The following FAT4 variants were observed in gnomAD, a reference collection of about 807,000 sequenced individuals.
FAT4 encodes the protein protocadherin Fat 4.
A neutral mutation model predicts 303.9 loss-of-function variants in FAT4; 84 were observed. That is an observed-to-expected ratio of 0.28 (90% CI 0.23 to 0.33). FAT4 has a LOEUF of 0.33. Ranked by LOEUF, FAT4 falls within the 10% of genes least tolerant of loss-of-function variation. The probability of loss-of-function intolerance (pLI) is 1.00; values close to 1 mark genes in which losing one functional copy is unlikely to be tolerated. For missense variants in FAT4, 6,005 were observed against 6,146.8 expected, an observed-to-expected ratio of 0.98 and a Z score of 0.77; for synonymous variants, 2,307 against 2,298.8, an observed-to-expected ratio of 1.00 and a Z score of -0.10.
intron 2 of FAT4, among the ~76,000 whole-genome samples, chr4:125,355,254 A>T (rs1732381890): frequency 6.6e-6 from 1 of 151,976 alleles, no homozygotes; most frequent in African/African-American, 2.4e-5. Context: ...AAACATATTT[A>T]CATCTCTAAA....
chr4:125,391,866 T>C (rs535405714), intron 2 of FAT4, among the ~76,000 whole-genome samples: 36 of 152,286 alleles, frequency 2.4e-4, no homozygotes. Context: ...ATGCCTATGT[T>C]ATTATTACAT....
At chr4:125,414,114 C>T (rs1449468196) in intron 5 of FAT4, among the ~76,000 whole-genome samples, 24 of 151,874 alleles carry the variant, frequency 1.6e-4, no homozygotes, top group Admixed American at 1.5e-3. Flanking sequence ...TGTTATTTAC[C>T]TTTAGTTACT....
At chr4:125,434,948 G>T (rs1214908443) in intron 8 of FAT4, among the ~76,000 whole-genome samples, 2 of 152,162 alleles carry the variant, frequency 1.3e-5, no homozygotes, top group African/African-American at 2.4e-5. Context: ...ACTCTCAAAG[G>T]TCAGACTCAG....
At position 125,451,370 on chromosome 4, in the gene FAT4, G is replaced by T. The variant is rs539311340; in HGVS notation, c.10360G>T (p.Ala3454Ser). ...YFIGSGNENG[A>S]FSINPQTGQI... The stretch of plus-strand genomic sequence containing the variant: ...CATCGGATCAGGGAATGAAAATGGT[G>T]CCTTTTCTATTAATCCGCAGACAGG... The change falls in exon 10 of 18, where the codon GCC (alanine) becomes TCC (serine). Residue 3454 changes from alanine to serine, a missense_variant. By Grantham distance (99) the Ala-to-Ser change is moderately conservative. Transcript: ENST00000394329. The T allele has an allele frequency of 3.7e-6, 6 of 1,614,110 alleles. No homozygotes were observed. In the South Asian group the frequency reaches 6.6e-5, roughly 18 times the overall value.
At chr4:125,454,166 A>G (rs1481383270) in intron 10 of FAT4, among the ~76,000 whole-genome samples, 1 of 152,208 alleles carries the variant, frequency 6.6e-6, no homozygotes, top group Non-Finnish European at 1.5e-5. Context: ...ACTTTTGTAG[A>G]TGTATTACAG....
At chr4:125,331,844 G>T (rs1731395941) in intron 2 of FAT4, among the ~76,000 whole-genome samples, 1 of 152,010 alleles carries the variant, frequency 6.6e-6, no homozygotes, top group Non-Finnish European at 1.5e-5. Flanking sequence ...CAGTAAACTT[G>T]ATTTTAACAC....
intron 7 of FAT4, among the ~76,000 whole-genome samples, chr4:125,432,374 A>T (rs1016014373): frequency 3.3e-5 from 5 of 152,210 alleles, no homozygotes; most frequent in African/African-American, 1.2e-4. Context: ...AGCAGTGCTG[A>T]TTTATGGGGA....
At position 125,318,010 on chromosome 4, in the gene FAT4, CACT is replaced by C; in HGVS notation, c.1600_1602del (p.Thr534del). ...TCAGTGAACATAGCGGCCTCGTGAC[CACT>C]GGGTCCTCTGGGGGCCTGGACCGTG... On this transcript the variant is annotated inframe_deletion, in exon 2 of 18. Transcript: ENST00000394329. 5.0e-6 allele frequency: 8 copies of C among 1,614,154 alleles called. No homozygotes were observed. The highest frequency in any genetic ancestry group is 6.8e-6 in the Non-Finnish European group (8 of 1,180,022).
chr4:125,319,036 A>G lies in FAT4; in HGVS notation c.2625A>G (p.Gly875=). 6.2e-7 allele frequency: 1 copy of G among 1,614,174 alleles called. No homozygotes were observed. Among genetic ancestry groups the G allele is most frequent in the Non-Finnish European group, 8.5e-7 (1 of 1,180,036 alleles). ...TGGCCAGTGGGGGCACAGTGACTGG[A>G]GACACTATGGTTAACATAACAGTTA... The part of the protein sequence containing the change: ...KVVASGGTVT[G]DTMVNITVKD... The change falls in exon 2 of 18, where the codon GGA becomes GGG. Residue 875 remains glycine, a synonymous_variant. Transcript: ENST00000394329.
Position 125,316,929 on chromosome 4 carries a change from C to T in FAT4, c.518C>T (p.Ser173Phe). The T allele has an allele frequency of 6.2e-7, 1 of 1,614,030 alleles. No individual in the cohort carries two copies. The highest frequency in any genetic ancestry group is 1.7e-5 in the Admixed American group (1 of 60,032). ...GGCTCAAACGGTGTGGACCACCGCTCCTACCGCATCATCCGCGGCAATGAG... is the reference window on the plus strand; with the variant it reads ...GGCTCAAACGGTGTGGACCACCGCTTCTACCGCATCATCCGCGGCAATGAG... ...DIGSNGVDHRSYRIIRGNEAG... is the reference protein window; with the variant it reads ...DIGSNGVDHRFYRIIRGNEAG... Residue 173 changes from serine (S) to phenylalanine (F), a missense_variant, in exon 2 of 18, where the codon TCC (serine) becomes TTC (phenylalanine). Coordinates refer to ENST00000394329, the MANE Select transcript of FAT4 (RefSeq NM_001291303.3). This position sits in a 1 kb window ranked among gnomAD's most constrained non-coding sequence, Gnocchi z 5.7.
At chr4:125,375,840 C>T (rs1466095473) in intron 2 of FAT4, among the ~76,000 whole-genome samples, 5 of 152,182 alleles carry the variant, frequency 3.3e-5, no homozygotes, top group South Asian at 2.1e-4. Flanking sequence ...ACCTGCACTA[C>T]GTTTAAACAA....
intron 12 of FAT4, among the ~76,000 whole-genome samples, chr4:125,474,410 A>G (rs990707293): frequency 2.0e-5 from 3 of 151,928 alleles, no homozygotes; most frequent in African/African-American, 7.2e-5. Flanking sequence ...ATGTCACCGC[A>G]TTTTACAGAT....
At chr4:125,482,842 A>C (rs536177635) in intron 16 of FAT4, among the ~76,000 whole-genome samples, 2 of 152,280 alleles carry the variant, frequency 1.3e-5, no homozygotes, top group South Asian at 4.1e-4. Context: ...GTTGCATATA[A>C]ATATATTTAA....
chr4:125,412,937 CT>C (rs1734901370), intron 5 of FAT4, among the ~76,000 whole-genome samples: 1 of 151,560 alleles, frequency 6.6e-6, no homozygotes, highest in Admixed American at 6.6e-5. Context: ...TACTGATGAA[CT>C]TTTTTGTAGG....
At chr4:125,422,681 C>T (rs1724948169) in intron 7 of FAT4, among the ~76,000 whole-genome samples, 1 of 152,124 alleles carries the variant, frequency 6.6e-6, no homozygotes, top group Non-Finnish European at 1.5e-5. Context: ...TCTTTATTAG[C>T]TGCATGACAG....
At chr4:125,427,145 T>C (rs1303329060) in intron 7 of FAT4, among the ~76,000 whole-genome samples, 5 of 151,778 alleles carry the variant, frequency 3.3e-5, no homozygotes, top group African/African-American at 9.7e-5. Context: ...CATATGTGCT[T>C]TTTGCAGGCA....
chr4:125,484,736 T>A (rs921465567), intron 16 of FAT4, among the ~76,000 whole-genome samples: 3 of 152,166 alleles, frequency 2.0e-5, no homozygotes, highest in Non-Finnish European at 4.4e-5. Context: ...CTGTATGGCA[T>A]GTTTACTGTA....
chr4:125,465,810 ATT>A (rs548839922), intron 11 of FAT4, among the ~76,000 whole-genome samples: 94 of 152,326 alleles, frequency 6.2e-4, no homozygotes, highest in African/African-American at 2.1e-3. Flanking sequence ...AAACTTAGAT[ATT>A]GTCAGTTGAC....
intron 2 of FAT4, among the ~76,000 whole-genome samples, chr4:125,343,864 T>C (rs536926713): frequency 6.6e-6 from 1 of 152,258 alleles, no homozygotes; most frequent in South Asian, 2.1e-4. Flanking sequence ...GCATGAGATA[T>C]TTCCAAAAGC....
Sources: allele counts gnomAD v4.1 joint callset (sites outside exome capture counted in the v4.1 genomes callset), GRCh38; gene constraint gnomAD v4.1.1; non-coding constraint Gnocchi (gnomAD v3.1); transcripts MANE v1.5; gene names NCBI Gene and HGNC (gene_info 2026-07-23, HGNC 2026-07-21).